POLR3E: variants seen among roughly 807,000 people sequenced by gnomAD.
POLR3E encodes DNA-directed RNA polymerase III subunit RPC5.
A neutral mutation model predicts 96.6 loss-of-function variants in POLR3E; 41 were observed. The ratio of observed to expected loss-of-function variants is 0.42; its 90% confidence interval spans 0.33 to 0.55. POLR3E has a LOEUF of 0.55. POLR3E is among the 20% of genes least tolerant of loss of function. The probability of loss-of-function intolerance (pLI) is 0.06; values close to 1 mark genes in which losing one functional copy is unlikely to be tolerated. For missense variants in POLR3E, 849 were observed against 952.1 expected (o/e 0.89, Z 1.43); for synonymous variants, 396 against 383.6 (o/e 1.03, Z -0.38).
chr16:22,319,778 G>A (rs761603642), intron 13 of POLR3E, among the ~76,000 whole-genome samples: 6 of 152,172 alleles, frequency 3.9e-5, no homozygotes, highest in Non-Finnish European at 8.8e-5. Flanking sequence ...TGTATACAAT[G>A]TAATGATCAA....
intron 12 of POLR3E, among the ~76,000 whole-genome samples, chr16:22,317,701 GT>G (rs540963840): frequency 2.0e-5 from 3 of 151,174 alleles, no homozygotes; most frequent in Admixed American, 6.6e-5. Context: ...GGTTTTAAAG[GT>G]TTTTTTTAAA....
chr16:22,299,083 T>C (rs1254060047), intron 1 of POLR3E: 1 of 455,814 alleles, frequency 2.2e-6, no homozygotes, highest in Non-Finnish European at 4.4e-6. Context: ...AAAACAGAGA[T>C]GTGGTAGGGC....
At chr16:22,328,833 T>TA (rs1011373581) in intron 19 of POLR3E, 6 of 468,738 alleles carry the variant, frequency 1.3e-5, no homozygotes, top group East Asian at 4.2e-5. Flanking sequence ...AATCATCTTT[T>TA]AAAAAATACA....
chr16:22,321,666 TAA>T (rs1040000137), intron 13 of POLR3E, among the ~76,000 whole-genome samples: 1 of 152,216 alleles, frequency 6.6e-6, no homozygotes. Flanking sequence ...AGAGCCCTGT[TAA>T]AACCTAAGCC....
Position 22,334,492 on chromosome 16 carries a change from T to C in POLR3E, c.*792T>C, listed in dbSNP as rs1167060812. On this transcript the variant is annotated 3_prime_UTR_variant, in exon 21 of 21. Coordinates refer to ENST00000299853, the MANE Select transcript of POLR3E (RefSeq NM_018119.4). ...TTACAGGAAGGCGATCTTGTTGGGC[T>C]CAGCGTTACGTGTATCTAGAGGGAA... is the stretch of plus-strand genomic sequence containing the variant. 1 of 152,222 alleles carries C rather than the reference T, an allele frequency of 6.6e-6. No individual in the cohort carries two copies. Among genetic ancestry groups the C allele is most frequent in the Admixed American group, 6.5e-5 (1 of 15,268 alleles). The allele number at this position is 152,222 out of a possible 1,614,324, so 9.4% of individuals were successfully genotyped here. A position where few individuals can be genotyped will look rare whatever the true frequency, so the allele number is the denominator to read the frequency against.
rs753154066 is a variant in POLR3E at position 22,318,847 on chromosome 16, A to G, written c.887A>G (p.Asn296Ser). The part of the protein sequence containing the change: ...MKNVKVMPFA[N>S]LMSLLGPSID... ...TCAGTGAAGGTCATGCCTTTTGCCAACTTGATGAGCCTCCTGGGCCCCTCC... is the reference window on the plus strand; with the variant it reads ...TCAGTGAAGGTCATGCCTTTTGCCAGCTTGATGAGCCTCCTGGGCCCCTCC... The change falls in exon 13 of 21, where the codon AAC becomes AGC. Residue 296 changes from asparagine to serine, a missense_variant. Coordinates refer to ENST00000299853, the MANE Select transcript of POLR3E (RefSeq NM_018119.4). This position sits in a 1 kb window ranked among gnomAD's most constrained non-coding sequence, Gnocchi z 5.0. 2 of 1,612,980 alleles carry G rather than the reference A, an allele frequency of 1.2e-6. No homozygotes were observed. The highest frequency in any genetic ancestry group is 4.5e-5 in the East Asian group (2 of 44,796).
At chr16:22,324,315 C>A (rs200403265) in intron 14 of POLR3E, 39 bp from the exon 15 acceptor site, 2 of 1,577,232 alleles carry the variant, frequency 1.3e-6, no homozygotes, top group Non-Finnish European at 1.7e-6. Flanking sequence ...GGGAGCAGTC[C>A]GTGGCCGCCC....
chr16:22,332,771 A>G (rs2141829293), intron 20 of POLR3E, among the ~76,000 whole-genome samples: 2 of 152,214 alleles, frequency 1.3e-5, no homozygotes, highest in Non-Finnish European at 2.9e-5. Context: ...ACTATATGAA[A>G]GCACCTAATG....
At chr16:22,320,623 A>C (rs2048454278) in intron 13 of POLR3E, among the ~76,000 whole-genome samples, 1 of 152,168 alleles carries the variant, frequency 6.6e-6, no homozygotes, top group African/African-American at 2.4e-5. Context: ...CCAGTCAATC[A>C]ATATTCTTTA....
chr16:22,328,138 C>T, intron 18 of POLR3E: 1 of 196,282 alleles, frequency 5.1e-6, no homozygotes, highest in Non-Finnish European at 1.0e-5. Flanking sequence ...GGGTTGGCAT[C>T]TTCAGGAGGG....
chr16:22,324,765 C>T, intron 16 of POLR3E, 105 bp downstream of exon 16: 1 of 1,260,650 alleles, frequency 7.9e-7, no homozygotes, highest in South Asian at 1.3e-5. Flanking sequence ...AACCCCACAT[C>T]TGGGGAGAGC....
intron 17 of POLR3E, 106 bp downstream of exon 17, chr16:22,325,372 CTCTCACCGTT>C: frequency 1.1e-6 from 1 of 912,928 alleles, no homozygotes; most frequent in Non-Finnish European, 1.8e-6. Flanking sequence ...GGGTGGAGGG[CTCTCACCGTT>C]CACCCTTCAC....
In POLR3E at chr16:22,326,120, T is replaced by G. The variant is rs767447138; in HGVS notation, c.1708T>G (p.Phe570Val). 36 of 1,613,752 alleles carry G rather than the reference T, an allele frequency of 2.2e-5. No individual in the cohort carries two copies. Among genetic ancestry groups the G allele is most frequent in the Non-Finnish European group, 3.1e-5 (36 of 1,179,978 alleles). The stretch of plus-strand genomic sequence containing the variant: ...ACTGAAGGCCTTCGTGGAGGCCACC[T>G]TTCAGAGACAGTTTGTGCTCACGCT... ...RELKAFVEATFQRQFVLTLSE... is the reference protein window; with the variant it reads ...RELKAFVEATVQRQFVLTLSE... The change falls in exon 18 of 21, where the codon TTT becomes GTT. Residue 570 changes from phenylalanine (F) to valine (V), a missense_variant. Physicochemically the swap from Phe to Val is conservative, Grantham distance 50. Transcript: ENST00000299853.
chr16:22,316,158 C>T (rs893782017), intron 9 of POLR3E, among the ~76,000 whole-genome samples: 5 of 152,176 alleles, frequency 3.3e-5, no homozygotes, highest in African/African-American at 1.2e-4. Context: ...CTAGACACTG[C>T]TGTTTCCTGC....
rs535414764 is a variant in POLR3E at position 22,313,823 on chromosome 16, C to A, written c.472+96C>A. 1.8e-4 allele frequency: 156 copies of A among 867,990 alleles called. 2 individuals carry two copies. In the South Asian group the frequency reaches 2.2e-3, roughly 12 times the overall value. 53.8% of individuals were successfully genotyped at this position (867,990 alleles called of 1,614,324 possible). A position where few individuals can be genotyped will look rare whatever the true frequency, so the allele number is the denominator to read the frequency against. Reference sequence around the variant, plus strand: ...AGGGATGGGATGATAGGATGTTTAGCAGGATCCCTGGCCTCTACCTACTAG... The same window carrying A: ...AGGGATGGGATGATAGGATGTTTAGAAGGATCCCTGGCCTCTACCTACTAG... On this transcript the variant is annotated intron_variant, in intron 7 of 20. Coordinates refer to ENST00000299853, the MANE Select transcript of POLR3E (RefSeq NM_018119.4). The surrounding 1 kb of genome is among the most constrained non-coding windows in gnomAD (Gnocchi z 4.1).
intron 13 of POLR3E, 75 bp downstream of exon 13, chr16:22,319,021 CT>C (rs2048417119): frequency 8.4e-7 from 1 of 1,193,548 alleles, no homozygotes; most frequent in Non-Finnish European, 1.2e-6. Context: ...GTTGCCCAGG[CT>C]GGTGTGTAGT....
At chr16:22,309,750 G>T (rs1014177036) in intron 6 of POLR3E, 10 of 574,384 alleles carry the variant, frequency 1.7e-5, no homozygotes, top group Admixed American at 6.0e-5. Flanking sequence ...AAGTTCATTT[G>T]TCCTCCCGGG....
chr16:22,325,455 G>T (rs2048560757), intron 17 of POLR3E, 189 bp downstream of exon 17: 1 of 635,902 alleles, frequency 1.6e-6, no homozygotes. Context: ...CAGAGCCTCA[G>T]GGACGGAGGC....
In POLR3E at chr16:22,316,616, C is replaced by T. The variant is rs2048360341; in HGVS notation, c.658C>T (p.His220Tyr). ...CCTCCAACAGGACAGTCGCTCTGAGCATGAGCGTCAGTACCTGCTGTGCCC... is the reference window on the plus strand; with the variant it reads ...CCTCCAACAGGACAGTCGCTCTGAGTATGAGCGTCAGTACCTGCTGTGCCC... ...YYGLRDSRSE[H>Y]ERQYLLCPGS... Residue 220 changes from histidine (H) to tyrosine (Y), a missense_variant, in exon 10 of 21, where the codon CAT becomes TAT. Physicochemically the swap from His to Tyr is moderately conservative, Grantham distance 83. Transcript: ENST00000299853. The T allele has an allele frequency of 6.2e-7, 1 of 1,613,666 alleles. No individual in the cohort carries two copies.
Sources: allele counts gnomAD v4.1 joint callset (sites outside exome capture counted in the v4.1 genomes callset), GRCh38; gene constraint gnomAD v4.1.1; non-coding constraint Gnocchi (gnomAD v3.1); transcripts MANE v1.5; gene names NCBI Gene and HGNC (gene_info 2026-07-23, HGNC 2026-07-21).